NCAM2: variants seen among roughly 807,000 people sequenced by gnomAD.
NCAM2 encodes N-CAM-2.
NCAM2 carries 30 observed loss-of-function variants against 98.1 expected under a neutral mutation model. The observed-to-expected ratio is 0.31, with a 90% CI of 0.23 to 0.41. NCAM2 has a LOEUF of 0.41. Among genes scored for constraint, NCAM2 ranks in the 10% least tolerant of loss-of-function variants. The pLI, the probability that NCAM2 is intolerant of heterozygous loss-of-function variation, is 1.00. For synonymous variants in NCAM2, 368 were observed against 342.4 expected (o/e 1.07, Z -0.83); for missense variants, 867 against 1,005.8 (o/e 0.86, Z 1.87).
At position 21,011,735 on chromosome 21, in the gene NCAM2, G is replaced by A. The variant is rs181813374; in HGVS notation, c.55+13117G>A. Among the ~76,000 whole-genome samples, 181 of 152,102 alleles carry A rather than the reference G, an allele frequency of 1.2e-3. 1 individual carries two copies. The highest frequency in any genetic ancestry group is 3.9e-3 in the African/African-American group (162 of 41,514). On this transcript the variant is annotated intron_variant, in intron 1 of 17. Transcript: ENST00000400546. ...GAATATATTTGTAAACTATACCTCTGATAAGGGGTTAACATCCAAAATATA... is the reference window on the plus strand; with the variant it reads ...GAATATATTTGTAAACTATACCTCTAATAAGGGGTTAACATCCAAAATATA...
intron 1 of NCAM2, among the ~76,000 whole-genome samples, chr21:21,010,111 G>T (rs893871853): frequency 6.6e-6 from 1 of 151,976 alleles, no homozygotes; most frequent in African/African-American, 2.4e-5. Flanking sequence ...TGCAATTAAA[G>T]AAATTACTAG....
At chr21:21,514,472 CAAAAAAAAAAAA>C (rs56710788) in intron 16 of NCAM2, among the ~76,000 whole-genome samples, 12 of 127,730 alleles carry the variant, frequency 9.4e-5, no homozygotes, top group African/African-American at 3.0e-4. Flanking sequence ...TCTCAAAAAA[CAAAAAAAAAAAA>C]AAAAAAAAAA....
intron 1 of NCAM2, among the ~76,000 whole-genome samples, chr21:21,124,258 T>G (rs2066740586): frequency 6.6e-6 from 1 of 152,172 alleles, no homozygotes. Flanking sequence ...ACTCTTGCTG[T>G]TTTCCATAAT....
chr21:21,162,075 A>C (rs2067802743), intron 1 of NCAM2, among the ~76,000 whole-genome samples: 1 of 152,122 alleles, frequency 6.6e-6, no homozygotes, highest in African/African-American at 2.4e-5. Context: ...TGTGTCACTG[A>C]ACCATTTGAT....
chr21:21,158,130 C>T (rs1044999342), intron 1 of NCAM2, among the ~76,000 whole-genome samples: 17 of 152,110 alleles, frequency 1.1e-4, no homozygotes, highest in African/African-American at 4.1e-4. Flanking sequence ...CAAAACTACC[C>T]TCTTAAGAAT....
intron 1 of NCAM2, among the ~76,000 whole-genome samples, chr21:21,199,859 C>T (rs957059140): frequency 6.6e-6 from 1 of 151,904 alleles, no homozygotes; most frequent in African/African-American, 2.4e-5. Context: ...TTCTGTTTGT[C>T]AAAATGGTTC....
At chr21:21,253,468 T>A (rs9982162) in intron 1 of NCAM2, among the ~76,000 whole-genome samples, 10,754 of 152,084 alleles carry the variant, frequency 0.071, 765 homozygotes, top group East Asian at 0.34. Context: ...ATTGGTGCCC[T>A]TTTAAAGAGA....
intron 1 of NCAM2, among the ~76,000 whole-genome samples, chr21:21,209,529 G>T (rs1402034165): frequency 4.6e-5 from 7 of 152,092 alleles, no homozygotes; most frequent in Admixed American, 2.0e-4. Context: ...GAGGCATCTG[G>T]TATGGGTGGG....
chr21:21,078,926 A>G (rs1239812543), intron 1 of NCAM2, among the ~76,000 whole-genome samples: 3 of 152,190 alleles, frequency 2.0e-5, no homozygotes, highest in Non-Finnish European at 4.4e-5. Flanking sequence ...TTAGCAAACT[A>G]ACACAGAAAC....
intron 12 of NCAM2, among the ~76,000 whole-genome samples, chr21:21,454,923 T>A (rs1981898980): frequency 6.6e-6 from 1 of 151,894 alleles, no homozygotes; most frequent in Non-Finnish European, 1.5e-5. Flanking sequence ...AAGCAGGTGG[T>A]TAGTACCATT....
chr21:21,119,026 G>A (rs35954727), intron 1 of NCAM2, among the ~76,000 whole-genome samples: 11,612 of 152,044 alleles, frequency 0.076, 548 homozygotes, highest in Middle Eastern at 0.13. Context: ...TGGTTTCTTT[G>A]TTGTTTGTCT....
chr21:21,275,163 G>C (rs1044368146), intron 1 of NCAM2, among the ~76,000 whole-genome samples: 1 of 151,960 alleles, frequency 6.6e-6, no homozygotes, highest in African/African-American at 2.4e-5. Flanking sequence ...AATTTGGACC[G>C]GGCGCGGTGG....
intron 2 of NCAM2, among the ~76,000 whole-genome samples, chr21:21,282,052 A>G (rs2072947887): frequency 6.6e-6 from 1 of 151,924 alleles, no homozygotes; most frequent in Non-Finnish European, 1.5e-5. Context: ...ATATTGACAA[A>G]TGAAAAAATC....
At chr21:21,509,078 A>G (rs374457288) in intron 16 of NCAM2, 23 bp downstream of exon 16, 4 of 1,611,154 alleles carry the variant, frequency 2.5e-6, no homozygotes, top group African/African-American at 2.7e-5. Context: ...CATCTACATC[A>G]TGTCATATTA....
At chr21:21,203,854 C>G (rs974759469) in intron 1 of NCAM2, among the ~76,000 whole-genome samples, 8 of 152,042 alleles carry the variant, frequency 5.3e-5, no homozygotes, top group Admixed American at 2.6e-4. Context: ...ACTGTAGAGG[C>G]TTATTTATAA....
At chr21:21,147,198 C>T (rs2067305032) in intron 1 of NCAM2, 7 of 974,618 alleles carry the variant, frequency 7.2e-6, no homozygotes, top group Non-Finnish European at 8.5e-6. Flanking sequence ...TACTTCAGCA[C>T]ATGGAACTCT....
intron 1 of NCAM2, chr21:21,226,973 G>C (rs2070408541): frequency 6.6e-6 from 1 of 151,908 alleles, no homozygotes; most frequent in Non-Finnish European, 1.5e-5. Context: ...TTTATAATAA[G>C]AACTATTAGC....
At position 21,208,295 on chromosome 21, in the gene NCAM2, A is replaced by G. The variant is rs73316706; in HGVS notation, c.56-72283A>G. Among the ~76,000 whole-genome samples, 616 of 152,306 alleles carry G rather than the reference A, an allele frequency of 4.0e-3. 11 individuals are homozygous for G. The highest frequency in any genetic ancestry group is 0.014 in the African/African-American group (591 of 41,578). Reference sequence around the variant, plus strand: ...GTCAACTGACAATGAATAAAATAGAACATATTAAAAGTATGTTTTAATTAT... The same window carrying G: ...GTCAACTGACAATGAATAAAATAGAGCATATTAAAAGTATGTTTTAATTAT... On this transcript the variant is annotated intron_variant, in intron 1 of 17. Transcript: ENST00000400546.
At chr21:21,343,095 C>A (rs547941356) in intron 8 of NCAM2, among the ~76,000 whole-genome samples, 1 of 152,224 alleles carries the variant, frequency 6.6e-6, no homozygotes, top group African/African-American at 2.4e-5. Flanking sequence ...GTTTTTAAAA[C>A]TTGTTTATAA....
Sources: allele counts gnomAD v4.1 joint callset (sites outside exome capture counted in the v4.1 genomes callset), GRCh38; gene constraint gnomAD v4.1.1; transcripts MANE v1.5; gene names NCBI Gene and HGNC (gene_info 2026-07-23, HGNC 2026-07-21).